ASS1: variants seen among roughly 807,000 people sequenced by gnomAD.
The protein encoded by ASS1 is argininosuccinate synthase.
Under a neutral mutation model 60.5 loss-of-function variants are expected in ASS1, and 58 were observed. The ratio of observed to expected loss-of-function variants is 0.96; its 90% CI spans 0.78 to 1.19. The LOEUF is 1.19. ASS1 is among the 50% of genes most tolerant of loss of function. ASS1 has a pLI of 0.00. For missense variants in ASS1, 454 were observed against 547.3 expected (o/e 0.83, Z 1.70); for synonymous variants, 200 against 206.9 (o/e 0.97, Z 0.29).
At position 130,463,369 on chromosome 9, in the gene ASS1, C is replaced by T. The variant is rs6597499; in HGVS notation, c.364-742C>T. Reference sequence around the variant, plus strand: ...GTGTGGACGGTGGTCCCGGCTATGTCGGGGGTAACGTTCACAGCTCAGTGG... The same window carrying T: ...GTGTGGACGGTGGTCCCGGCTATGTTGGGGGTAACGTTCACAGCTCAGTGG... On this transcript the variant is annotated intron_variant, in intron 4 of 14. Coordinates refer to ENST00000352480, the MANE Select transcript of ASS1 (RefSeq NM_054012.4). Among the ~76,000 whole-genome samples, 1,003 of 152,220 alleles carry T rather than the reference C, an allele frequency of 6.6e-3. 18 individuals are homozygous for T. Among genetic ancestry groups the T allele is most frequent in the African/African-American group, 0.023 (967 of 41,514 alleles).
chr9:130,466,773 C>A lies in ASS1; in HGVS notation c.469C>A (p.Arg157Ser). The change falls in exon 6 of 15, where the codon CGC (arginine) becomes AGC (serine). Residue 157 changes from arginine to serine, a missense_variant. Transcript: ENST00000352480. ...TGAATTCTACAACCGGTTCAAGGGCCGCAATGACCTGATGGAGTACGCAAA... is the reference window on the plus strand; with the variant it reads ...TGAATTCTACAACCGGTTCAAGGGCAGCAATGACCTGATGGAGTACGCAAA... ...MPEFYNRFKG[R>S]NDLMEYAKQH... 2 of 1,614,164 alleles carry A rather than the reference C, an allele frequency of 1.2e-6. No homozygotes were observed. The highest frequency in any genetic ancestry group is 1.7e-5 in the Admixed American group (1 of 60,034).
rs368594999 is a variant in ASS1 at position 130,451,884 on chromosome 9, C to T, written c.-5-340C>T. The T allele has an allele frequency of 3.4e-5, 17 of 503,802 alleles. 1 individual carries two copies. The highest frequency in any genetic ancestry group is 1.6e-4 in the East Asian group (3 of 18,512). The allele number at this position is 503,802 out of a possible 1,614,324, so 31.2% of individuals were successfully genotyped here. On this transcript the variant is annotated intron_variant, in intron 1 of 14. Coordinates refer to ENST00000352480, the MANE Select transcript of ASS1 (RefSeq NM_054012.4). ...CCACATCTCCTGCCTGCGTGCATTC[C>T]TCACATCCTGGCCTTGGGCCAAACT...
chr9:130,457,125 CTG>C (rs1845466314), intron 3 of ASS1, among the ~76,000 whole-genome samples: 1 of 152,184 alleles, frequency 6.6e-6, no homozygotes, highest in Admixed American at 6.5e-5. Flanking sequence ...TTGCAAATCT[CTG>C]TAATGTCTGG....
At chr9:130,471,717 T>TC (rs1237412952) in intron 8 of ASS1, among the ~76,000 whole-genome samples, 1 of 148,878 alleles carries the variant, frequency 6.7e-6, no homozygotes, top group Non-Finnish European at 1.5e-5. Context: ...TTTGAAGACC[T>TC]CCCCCCGCCC....
chr9:130,463,240 A>ATTT (rs1845645812), intron 4 of ASS1, among the ~76,000 whole-genome samples: 1 of 152,250 alleles, frequency 6.6e-6, no homozygotes, highest in Non-Finnish European at 1.5e-5. Flanking sequence ...TGGGCTGCCG[A>ATTT]GCCCACGGGG....
Position 130,501,089 on chromosome 9 carries a change from T to C in ASS1, c.*68T>C, listed in dbSNP as rs1846745409. The stretch of plus-strand genomic sequence containing the variant: ...TCCCCCAAGTACAGGCGCTAATTGT[T>C]GTGATAATTTGTAATTGTGACTTGT... On this transcript the variant is annotated 3_prime_UTR_variant, in exon 15 of 15. Transcript: ENST00000352480. The C allele has an allele frequency of 6.7e-7, 1 of 1,500,860 alleles. No homozygotes were observed. Among genetic ancestry groups the C allele is most frequent in the African/African-American group, 1.4e-5 (1 of 72,612 alleles). The allele number at this position is 1,500,860 out of a possible 1,614,324, so 93.0% of individuals were successfully genotyped here.
rs930668546 is a variant in ASS1, at chr9:130,477,497, G to A, written c.688+536G>A. ...CTGCTGACCCCACGTTCAAAGCTGC[G>A]GCCACTCTTGCTCCCCTCGGCAGTG... On this transcript the variant is annotated intron_variant, in intron 9 of 14. Transcript: ENST00000352480. The surrounding 1 kb of genome is among the most constrained non-coding windows in gnomAD (Gnocchi z 4.2). Among the ~76,000 whole-genome samples, 17 of 152,174 alleles carry A rather than the reference G, an allele frequency of 1.1e-4. No individual in the cohort carries two copies. Among genetic ancestry groups the A allele is most frequent in the Admixed American group, 3.9e-4 (6 of 15,280 alleles).
chr9:130,449,374 CT>C (rs1845274321), intron 1 of ASS1, among the ~76,000 whole-genome samples: 2 of 148,304 alleles, frequency 1.3e-5, no homozygotes, highest in Non-Finnish European at 3.0e-5. Context: ...GGATACAGCT[CT>C]GATGGGCAGG....
Position 130,501,232 on chromosome 9 carries a change from T to C in ASS1, c.*211T>C. Reference sequence around the variant, plus strand: ...GTGGGGGGCAGCTGCGGTGGGGAGCTATAAAAATGACAATTAAAAGAGACA... The same window carrying C: ...GTGGGGGGCAGCTGCGGTGGGGAGCCATAAAAATGACAATTAAAAGAGACA... On this transcript the variant is annotated 3_prime_UTR_variant, in exon 15 of 15. Coordinates refer to ENST00000352480, the MANE Select transcript of ASS1 (RefSeq NM_054012.4). 1.7e-6 allele frequency: 1 copy of C among 578,624 alleles called. No homozygotes were observed. Among genetic ancestry groups the C allele is most frequent in the Non-Finnish European group, 3.1e-6 (1 of 324,862 alleles). 35.8% of individuals were successfully genotyped at this position (578,624 alleles called of 1,614,324 possible). A position where few individuals can be genotyped will look rare whatever the true frequency, so the allele number is the denominator to read the frequency against.
Position 130,494,018 on chromosome 9 carries a change from C to A in ASS1, c.971-849C>A, listed in dbSNP as rs1846521068. On this transcript the variant is annotated intron_variant, in intron 12 of 14. Coordinates refer to ENST00000352480, the MANE Select transcript of ASS1 (RefSeq NM_054012.4). The surrounding 1 kb of genome is among the most constrained non-coding windows in gnomAD (Gnocchi z 4.3). ...ACACAAGTCAAATGGAGGCTCCCCA[C>A]TTCCGGCCTGTGTGATCCTGGAGAA... is the stretch of plus-strand genomic sequence containing the variant. Among the ~76,000 whole-genome samples the A allele has an allele frequency of 6.6e-6, 1 of 152,224 alleles. No homozygotes were observed. Among genetic ancestry groups the A allele is most frequent in the African/African-American group, 2.4e-5 (1 of 41,460 alleles).
chr9:130,483,453 C>T lies in ASS1; in HGVS notation c.838+3004C>T, dbSNP rs1013743796. Among the ~76,000 whole-genome samples the T allele has an allele frequency of 5.3e-5, 8 of 150,326 alleles. No individual in the cohort carries two copies. The East Asian group carries it at 5.9e-4, about 11-fold the overall frequency. On this transcript the variant is annotated intron_variant, in intron 11 of 14. Coordinates refer to ENST00000352480, the MANE Select transcript of ASS1 (RefSeq NM_054012.4). ...CAGGGACAGGGGGCTGGGGAAGCCG[C>T]GGCTGGAGTAGCTTTCTCCGTATTG...
At chr9:130,471,035 G>A in intron 7 of ASS1, 131 bp downstream of exon 7, 1 of 1,076,112 alleles carries the variant, frequency 9.3e-7, no homozygotes. Flanking sequence ...GAGGCCTCAG[G>A]CAGGACAGAG....
rs528201367 is a variant in ASS1, at chr9:130,491,883, C to G, written c.970+2419C>G. 2.6e-5 allele frequency among the ~76,000 whole-genome samples: 4 copies of G among 152,198 alleles called. No homozygotes were observed. The highest frequency in any genetic ancestry group is 5.9e-5 in the Non-Finnish European group (4 of 68,036). Reference sequence around the variant, plus strand: ...TGCAGGGCCCCACAAACATCAAGATCGGCCTCGGGCAGCAGGCTGACCCCC... The same window carrying G: ...TGCAGGGCCCCACAAACATCAAGATGGGCCTCGGGCAGCAGGCTGACCCCC... On this transcript the variant is annotated intron_variant, in intron 12 of 14. Coordinates refer to ENST00000352480, the MANE Select transcript of ASS1 (RefSeq NM_054012.4). The surrounding 1 kb of genome is among the most constrained non-coding windows in gnomAD (Gnocchi z 5.3).
In ASS1 at chr9:130,470,499, C is replaced by T. The variant is rs1437298430; in HGVS notation, c.496-335C>T. Among the ~76,000 whole-genome samples the T allele has an allele frequency of 6.6e-6, 1 of 152,130 alleles. No homozygotes were observed. The highest frequency in any genetic ancestry group is 6.5e-5 in the Admixed American group (1 of 15,272). On this transcript the variant is annotated intron_variant, in intron 6 of 14. Transcript: ENST00000352480. This position sits in a 1 kb window ranked among gnomAD's most constrained non-coding sequence, Gnocchi z 4.3. The stretch of plus-strand genomic sequence containing the variant: ...CAAGCCCCAGCTCGTAGGGTGGTGG[C>T]GGGGCTGGTTGGCTGGTGCCGGGAG...
chr9:130,491,889 C>T lies in ASS1; in HGVS notation c.970+2425C>T, dbSNP rs1378357927. On this transcript the variant is annotated intron_variant, in intron 12 of 14. Coordinates refer to ENST00000352480, the MANE Select transcript of ASS1 (RefSeq NM_054012.4). This position sits in a 1 kb window ranked among gnomAD's most constrained non-coding sequence, Gnocchi z 5.3. ...GCCCCACAAACATCAAGATCGGCCTCGGGCAGCAGGCTGACCCCCACAGCT... is the reference window on the plus strand; with the variant it reads ...GCCCCACAAACATCAAGATCGGCCTTGGGCAGCAGGCTGACCCCCACAGCT... Among the ~76,000 whole-genome samples the T allele has an allele frequency of 6.6e-6, 1 of 152,182 alleles. No individual in the cohort carries two copies. Among genetic ancestry groups the T allele is most frequent in the Non-Finnish European group, 1.5e-5 (1 of 68,022 alleles).
At chr9:130,483,926 A>G (rs1398675367) in intron 11 of ASS1, among the ~76,000 whole-genome samples, 2 of 151,864 alleles carry the variant, frequency 1.3e-5, no homozygotes, top group Admixed American at 6.6e-5. Context: ...CAGAAGGAAC[A>G]AGGGCTGTCA....
At chr9:130,446,169 T>G (rs1322263469) in intron 1 of ASS1, among the ~76,000 whole-genome samples, 2 of 152,064 alleles carry the variant, frequency 1.3e-5, no homozygotes, top group African/African-American at 2.4e-5. Context: ...CAAGCTTCAG[T>G]CTGTTAGAGC....
intron 4 of ASS1, among the ~76,000 whole-genome samples, chr9:130,463,246 C>G (rs534121747): frequency 6.6e-6 from 1 of 152,234 alleles, no homozygotes; most frequent in Non-Finnish European, 1.5e-5. Context: ...GCCGAGCCCA[C>G]GGGGAAGCAG....
At chr9:130,451,401 C>T (rs1468448066) in intron 1 of ASS1, among the ~76,000 whole-genome samples, 1 of 152,094 alleles carries the variant, frequency 6.6e-6, no homozygotes, top group Non-Finnish European at 1.5e-5. Context: ...CCTCCCTGGG[C>T]CTCAGTTTCT....
Sources: allele counts gnomAD v4.1 joint callset (sites outside exome capture counted in the v4.1 genomes callset), GRCh38; gene constraint gnomAD v4.1.1; non-coding constraint Gnocchi (gnomAD v3.1); transcripts MANE v1.5; gene names NCBI Gene and HGNC (gene_info 2026-07-23, HGNC 2026-07-21).